The following SCHIP1 variants were observed in gnomAD, a reference collection of about 807,000 sequenced individuals.
SCHIP1 encodes the protein schwannomin-interacting protein 1.
In SCHIP1, 8 loss-of-function variants were observed where a neutral mutation model predicts 29.7. The ratio of observed to expected loss-of-function variants is 0.27; its 90% CI spans 0.16 to 0.49. The LOEUF (loss-of-function observed/expected upper bound fraction) is 0.49. SCHIP1 is among the 20% of genes least tolerant of loss of function. The pLI is 0.99. For missense variants in SCHIP1, 193 were observed against 294.6 expected (o/e 0.66, Z 2.52); for synonymous variants, 76 against 94.9 (o/e 0.80, Z 1.16).
the SCHIP1 span, among the ~76,000 whole-genome samples, chr3:159,315,551 T>TTA: frequency 2.2e-4 from 34 of 151,852 alleles, no homozygotes; most frequent in Middle Eastern, 3.4e-3. Context: ...CTAATGATTT[T>TTA]TATATATATA....
At chr3:159,363,318 C>T in the SCHIP1 span, among the ~76,000 whole-genome samples, 1 of 152,016 alleles carries the variant, frequency 6.6e-6, no homozygotes, top group South Asian at 2.1e-4. Context: ...AATCAAGAAC[C>T]ATGTCCTTAG....
the SCHIP1 span, among the ~76,000 whole-genome samples, chr3:159,612,271 A>G: frequency 6.6e-6 from 1 of 152,154 alleles, no homozygotes; most frequent in African/African-American, 2.4e-5. Context: ...AAAAGAATTG[A>G]TCCTGGTGAA....
At chr3:159,565,793 A>G in the SCHIP1 span, among the ~76,000 whole-genome samples, 5 of 152,202 alleles carry the variant, frequency 3.3e-5, no homozygotes. Flanking sequence ...GTCCTTTTAG[A>G]TAAAATGATA....
the SCHIP1 span, among the ~76,000 whole-genome samples, chr3:159,392,554 C>T: frequency 2.7e-3 from 401 of 150,986 alleles, 4 homozygotes; most frequent in African/African-American, 2.9e-3. Flanking sequence ...TGAGAACATG[C>T]GGTGTTTGTT....
the SCHIP1 span, among the ~76,000 whole-genome samples, chr3:159,667,219 A>G: frequency 6.6e-6 from 1 of 152,182 alleles, no homozygotes; most frequent in African/African-American, 2.4e-5. Flanking sequence ...CAAAGGACAC[A>G]TGAGATGACA....
the SCHIP1 span, among the ~76,000 whole-genome samples, chr3:159,717,756 A>G: frequency 6.6e-6 from 1 of 152,210 alleles, no homozygotes; most frequent in East Asian, 1.9e-4. Context: ...CCAACCAAAA[A>G]AAGTCCAGGA....
At chr3:159,586,235 T>G in the SCHIP1 span, among the ~76,000 whole-genome samples, 1 of 152,180 alleles carries the variant, frequency 6.6e-6, no homozygotes, top group Non-Finnish European at 1.5e-5. Context: ...CCAGCTGTCC[T>G]GCTGCCTTCC....
At chr3:159,704,631 A>G in the SCHIP1 span, among the ~76,000 whole-genome samples, 20 of 152,182 alleles carry the variant, frequency 1.3e-4, no homozygotes, top group Middle Eastern at 0.014. Flanking sequence ...AAGACTATAT[A>G]TCATATTAGG....
the SCHIP1 span, among the ~76,000 whole-genome samples, chr3:159,633,331 T>C: frequency 1.3e-5 from 2 of 152,070 alleles, no homozygotes; most frequent in African/African-American, 2.4e-5. Flanking sequence ...GTATTAAAGA[T>C]GTAATATGTA....
At chr3:159,713,673 T>A in the SCHIP1 span, among the ~76,000 whole-genome samples, 1 of 152,222 alleles carries the variant, frequency 6.6e-6, no homozygotes, top group South Asian at 2.1e-4. Context: ...TCAGGGGGTC[T>A]ATACAGAGAA....
chr3:159,835,497 A>G (rs1187186825), upstream of SCHIP1, among the ~76,000 whole-genome samples: 2 of 152,212 alleles, frequency 1.3e-5, no homozygotes, highest in African/African-American at 4.8e-5. Flanking sequence ...TGACCTATCC[A>G]TCTACCCATC....
chr3:159,413,797 C>G, the SCHIP1 span, among the ~76,000 whole-genome samples: 1 of 152,076 alleles, frequency 6.6e-6, no homozygotes, highest in Admixed American at 6.6e-5. Context: ...AAGGACAATG[C>G]CTTTCTTTAT....
chr3:159,822,376 C>G, the SCHIP1 span, among the ~76,000 whole-genome samples: 1 of 151,638 alleles, frequency 6.6e-6, no homozygotes, highest in Non-Finnish European at 1.5e-5. Flanking sequence ...AGGCCTAGTG[C>G]AATGGAAGAA....
the SCHIP1 span, among the ~76,000 whole-genome samples, chr3:159,585,701 G>A: frequency 6.6e-6 from 1 of 152,042 alleles, no homozygotes; most frequent in South Asian, 2.1e-4. Flanking sequence ...ATTTGCCCAG[G>A]TTCACACAGA....
chr3:159,489,982 G>T, the SCHIP1 span, among the ~76,000 whole-genome samples: 1 of 151,986 alleles, frequency 6.6e-6, no homozygotes, highest in Non-Finnish European at 1.5e-5. Flanking sequence ...AGAGAAGAGG[G>T]GCTGAGTATG....
the SCHIP1 span, among the ~76,000 whole-genome samples, chr3:159,382,202 C>T: frequency 6.8e-6 from 1 of 147,770 alleles, no homozygotes; most frequent in Non-Finnish European, 1.5e-5. Context: ...TGGTGTGCTG[C>T]ACCCATTAAC....
the SCHIP1 span, chr3:159,273,833 G>T: frequency 1.9e-6 from 3 of 1,613,452 alleles, no homozygotes; most frequent in Middle Eastern, 1.7e-4. Flanking sequence ...GGAGAGGTCC[G>T]GGCAGCGTGT....
At chr3:159,713,015 C>T in the SCHIP1 span, among the ~76,000 whole-genome samples, 3 of 149,782 alleles carry the variant, frequency 2.0e-5, no homozygotes, top group East Asian at 2.0e-4. Context: ...ATTAGACAGG[C>T]GTGGTGGTGC....
At chr3:159,791,429 C>G in the SCHIP1 span, among the ~76,000 whole-genome samples, 931 of 152,334 alleles carry the variant, frequency 6.1e-3, 13 homozygotes, top group African/African-American at 0.022. Context: ...CCAGAACCTT[C>G]CCGGCAGGTG....
Sources: gnomAD v4.1 joint callset for allele counts (sites outside exome capture counted in the v4.1 genomes callset) on GRCh38, gnomAD v4.1.1 for gene constraint, MANE v1.5 for transcripts, NCBI Gene and HGNC (gene_info 2026-07-23, HGNC 2026-07-21) for gene names.